The following PTPRD variants were observed in gnomAD, a reference collection of about 807,000 sequenced individuals.
PTPRD encodes receptor-type tyrosine-protein phosphatase delta.
A neutral mutation model predicts 214.5 loss-of-function variants in PTPRD; 34 were observed. The ratio of observed to expected loss-of-function variants is 0.16; its 90% CI spans 0.12 to 0.21. The LOEUF is 0.21. PTPRD is among the 10% of genes least tolerant of loss of function. The pLI is 1.00. For missense variants in PTPRD, 2,545 were observed against 2,398.7 expected (o/e 1.06, Z -1.27); for synonymous variants, 1,128 against 845.7 (o/e 1.33, Z -5.79).
chr9:9,294,391 T>A (rs1462754884), intron 9 of PTPRD, among the ~76,000 whole-genome samples: 1 of 151,736 alleles, frequency 6.6e-6, no homozygotes, highest in Non-Finnish European at 1.5e-5. Context: ...CTCAAGAAAG[T>A]AACTTTTATG....
intron 5 of PTPRD, among the ~76,000 whole-genome samples, chr9:9,917,293 A>G (rs1217653029): frequency 1.6e-5 from 2 of 122,040 alleles, no homozygotes; most frequent in Non-Finnish European, 3.4e-5. Context: ...ACAAGCCATT[A>G]GCTAGACTGA....
At chr9:8,453,783 G>T (rs1364116557) in intron 33 of PTPRD, among the ~76,000 whole-genome samples, 1 of 152,174 alleles carries the variant, frequency 6.6e-6, no homozygotes, top group African/African-American at 2.4e-5. Context: ...GTCTGAGGCG[G>T]GGTCCAAGGG....
At chr9:10,584,314 G>C (rs1025787747) in intron 2 of PTPRD, among the ~76,000 whole-genome samples, 1 of 152,148 alleles carries the variant, frequency 6.6e-6, no homozygotes, top group African/African-American at 2.4e-5. Context: ...ATACAGCTTA[G>C]TTTCCACCAA....
At chr9:9,000,269 T>C (rs1024419055) in intron 11 of PTPRD, among the ~76,000 whole-genome samples, 5 of 152,056 alleles carry the variant, frequency 3.3e-5, no homozygotes, top group Admixed American at 2.6e-4. Flanking sequence ...TAAAGGTCTT[T>C]AATTAGGTAA....
chr9:9,792,767 G>A (rs1025828042), intron 5 of PTPRD, among the ~76,000 whole-genome samples: 3 of 152,054 alleles, frequency 2.0e-5, no homozygotes, highest in African/African-American at 7.2e-5. Flanking sequence ...TTTCTCAACT[G>A]TTTATTAAGA....
At chr9:9,196,435 G>C (rs938517746) in intron 9 of PTPRD, among the ~76,000 whole-genome samples, 1 of 151,974 alleles carries the variant, frequency 6.6e-6, no homozygotes, top group Non-Finnish European at 1.5e-5. Context: ...TAATTTAATG[G>C]AGACACTCAT....
intron 21 of PTPRD, among the ~76,000 whole-genome samples, chr9:8,508,896 T>G (rs1055857935): frequency 7.9e-6 from 1 of 125,838 alleles, no homozygotes; most frequent in Non-Finnish European, 1.7e-5. Context: ...TGTGTCTGTG[T>G]GTGTGTGTGT....
intron 9 of PTPRD, among the ~76,000 whole-genome samples, chr9:9,329,038 G>C (rs1302944668): frequency 6.6e-6 from 1 of 151,820 alleles, no homozygotes; most frequent in Admixed American, 6.6e-5. Context: ...TTATCTTTTT[G>C]TTCTTTGAGA....
intron 2 of PTPRD, among the ~76,000 whole-genome samples, chr9:10,353,565 G>C (rs903859060): frequency 6.6e-6 from 1 of 151,920 alleles, no homozygotes; most frequent in Admixed American, 6.6e-5. Context: ...GAGAGGATGA[G>C]TAAAAATTTT....
chr9:10,578,908 T>C (rs1299680137), intron 2 of PTPRD, among the ~76,000 whole-genome samples: 2 of 152,150 alleles, frequency 1.3e-5, no homozygotes, highest in Non-Finnish European at 1.5e-5. Context: ...CTTCTATTTT[T>C]ATTTTATTTT....
chr9:9,015,235 G>C (rs1589823546), intron 11 of PTPRD, among the ~76,000 whole-genome samples: 1 of 152,134 alleles, frequency 6.6e-6, no homozygotes, highest in East Asian at 1.9e-4. Context: ...TGTATTCTCA[G>C]AGGGTTAAGG....
chr9:9,457,653 T>A (rs556799965), intron 8 of PTPRD, among the ~76,000 whole-genome samples: 2 of 152,218 alleles, frequency 1.3e-5, no homozygotes, highest in South Asian at 2.1e-4. Context: ...TGTTCCAATA[T>A]ACAGTTTCTT....
At chr9:10,154,783 T>C (rs1484101505) in intron 3 of PTPRD, among the ~76,000 whole-genome samples, 1 of 152,054 alleles carries the variant, frequency 6.6e-6, no homozygotes, top group Non-Finnish European at 1.5e-5. Context: ...TTCTAGGATC[T>C]CTATACTGTT....
chr9:8,364,673 T>C (rs992145058), intron 39 of PTPRD, among the ~76,000 whole-genome samples: 1 of 152,236 alleles, frequency 6.6e-6, no homozygotes, highest in Non-Finnish European at 1.5e-5. Context: ...CTCCAGGCAC[T>C]GCCGCAAGGC....
intron 5 of PTPRD, among the ~76,000 whole-genome samples, chr9:9,876,389 A>C (rs2153726036): frequency 6.6e-6 from 1 of 152,260 alleles, no homozygotes; most frequent in South Asian, 2.1e-4. Flanking sequence ...GCATTTAGAA[A>C]TTTTGGCTAA....
At chr9:8,838,549 T>A (rs1038548436) in intron 11 of PTPRD, among the ~76,000 whole-genome samples, 57 of 145,168 alleles carry the variant, frequency 3.9e-4, no homozygotes, top group African/African-American at 1.4e-3. Context: ...AATAAACTGC[T>A]TGAAACTGAA....
At chr9:9,978,494 G>A (rs567854504) in intron 4 of PTPRD, among the ~76,000 whole-genome samples, 1 of 152,080 alleles carries the variant, frequency 6.6e-6, no homozygotes, top group Middle Eastern at 3.4e-3. Flanking sequence ...AAAAATGACT[G>A]AAACTGAAAC....
intron 7 of PTPRD, among the ~76,000 whole-genome samples, chr9:9,586,199 C>A (rs1012221974): frequency 6.6e-6 from 1 of 151,866 alleles, no homozygotes; most frequent in African/African-American, 2.4e-5. Context: ...TTTCTTTTTC[C>A]CCTTCCAATT....
chr9:9,836,534 C>T (rs2056809657), intron 5 of PTPRD, among the ~76,000 whole-genome samples: 1 of 152,074 alleles, frequency 6.6e-6, no homozygotes, highest in Non-Finnish European at 1.5e-5. Context: ...TATCAGCATT[C>T]TAGTTTATGG....
Sources: gnomAD v4.1 joint callset for allele counts (sites outside exome capture counted in the v4.1 genomes callset) on GRCh38, gnomAD v4.1.1 for gene constraint, MANE v1.5 for transcripts, NCBI Gene and HGNC (gene_info 2026-07-23, HGNC 2026-07-21) for gene names.